Variants in TAFA4 observed in about 807,000 individuals in gnomAD.
TAFA4 encodes the protein TAFA chemokine like family member 4.
A neutral mutation model predicts 21.1 loss-of-function variants in TAFA4; 20 were observed. The observed-to-expected ratio is 0.95, with a 90% CI of 0.67 to 1.38. TAFA4 has a LOEUF of 1.38. TAFA4 is among the 40% of genes most tolerant of loss of function. TAFA4 has a pLI of 0.00. For missense variants in TAFA4, 211 were observed against 180.9 expected, an observed-to-expected ratio of 1.17 and a Z score of -0.95; for synonymous variants, 71 against 67.4, an observed-to-expected ratio of 1.05 and a Z score of -0.26.
chr3:68,895,624 C>T (rs1231589335), intron 1 of TAFA4, among the ~76,000 whole-genome samples: 1 of 150,266 alleles, frequency 6.7e-6, no homozygotes, highest in African/African-American at 2.4e-5. Flanking sequence ...GGAACTTAGA[C>T]AGAAGAGCTA....
Position 68,826,821 on chromosome 3 carries a change from T to C in TAFA4, c.130+53909A>G, listed in dbSNP as rs994249990. The stretch of plus-strand genomic sequence containing the variant: ...CCTTCTACTCCAACCTCTTTCTTAC[T>C]CAGGAATATTATAACAATCAGATAT... On this transcript the variant is annotated intron_variant, in intron 3 of 5. Transcript: ENST00000295569. Among the ~76,000 whole-genome samples the C allele has an allele frequency of 8.5e-5, 13 of 152,262 alleles. 1 individual carries two copies. Among genetic ancestry groups the C allele is most frequent in the Admixed American group, 2.6e-4 (4 of 15,298 alleles).
At chr3:68,894,110 C>T (rs2089759822) in intron 1 of TAFA4, among the ~76,000 whole-genome samples, 1 of 151,110 alleles carries the variant, frequency 6.6e-6, no homozygotes, top group African/African-American at 2.4e-5. Context: ...ATAATAAATG[C>T]AGGCTTAATG....
intron 1 of TAFA4, among the ~76,000 whole-genome samples, chr3:68,890,872 G>A (rs753037385): frequency 6.6e-6 from 1 of 152,194 alleles, no homozygotes; most frequent in Non-Finnish European, 1.5e-5. Flanking sequence ...GACTGAATTT[G>A]TCAGCAGATG....
intron 4 of TAFA4, among the ~76,000 whole-genome samples, chr3:68,751,020 C>A (rs765289076): frequency 6.6e-6 from 1 of 152,102 alleles, no homozygotes; most frequent in Admixed American, 6.5e-5. Context: ...CAGGGTGTTG[C>A]AAGAACTTAC....
chr3:68,770,427 A>G (rs1299418386), intron 3 of TAFA4, among the ~76,000 whole-genome samples: 2 of 152,246 alleles, frequency 1.3e-5, no homozygotes, highest in Non-Finnish European at 2.9e-5. Flanking sequence ...GTGAGGAATG[A>G]GACTGAGGAG....
chr3:68,802,033 A>G (rs1703589612), intron 3 of TAFA4, among the ~76,000 whole-genome samples: 1 of 152,208 alleles, frequency 6.6e-6, no homozygotes, highest in Non-Finnish European at 1.5e-5. Flanking sequence ...AAGTAAATGC[A>G]GCAAAGCAAT....
intron 1 of TAFA4, among the ~76,000 whole-genome samples, chr3:68,930,319 T>G (rs572836498): frequency 1.9e-4 from 29 of 152,336 alleles, no homozygotes; most frequent in African/African-American, 6.7e-4. Context: ...GGTTTTTGTA[T>G]GTGCTAAGGG....
At chr3:68,870,945 T>C (rs181970216) in intron 3 of TAFA4, among the ~76,000 whole-genome samples, 3 of 152,310 alleles carry the variant, frequency 2.0e-5, no homozygotes, top group Non-Finnish European at 1.5e-5. Flanking sequence ...TAGTATTCCA[T>C]GGTGTATACA....
chr3:68,755,197 A>G (rs1336392593), intron 3 of TAFA4, among the ~76,000 whole-genome samples: 1 of 152,224 alleles, frequency 6.6e-6, no homozygotes, highest in East Asian at 1.9e-4. Flanking sequence ...CCTGAATTCC[A>G]TCATCCTGTG....
intron 3 of TAFA4, among the ~76,000 whole-genome samples, chr3:68,828,532 T>C (rs1473432251): frequency 1.3e-5 from 2 of 152,188 alleles, no homozygotes; most frequent in African/African-American, 4.8e-5. Flanking sequence ...TTCCATTTGT[T>C]TGGGTCCTCT....
intron 3 of TAFA4, among the ~76,000 whole-genome samples, chr3:68,797,898 A>G (rs1269260001): frequency 6.6e-6 from 1 of 152,206 alleles, no homozygotes. Flanking sequence ...ATGTGAGTAT[A>G]CATAATGCCA....
chr3:68,824,210 C>T (rs1704176383), intron 3 of TAFA4, among the ~76,000 whole-genome samples: 1 of 152,146 alleles, frequency 6.6e-6, no homozygotes, highest in African/African-American at 2.4e-5. Context: ...AACAAGTTAC[C>T]ACAAATTTAG....
At chr3:68,757,067 T>C (rs1702672853) in intron 3 of TAFA4, among the ~76,000 whole-genome samples, 1 of 152,178 alleles carries the variant, frequency 6.6e-6, no homozygotes, top group African/African-American at 2.4e-5. Context: ...CCATTGGTCA[T>C]TGTCTCAGTC....
At chr3:68,901,315 T>C (rs1210928244) in intron 1 of TAFA4, among the ~76,000 whole-genome samples, 2 of 150,804 alleles carry the variant, frequency 1.3e-5, no homozygotes, top group African/African-American at 4.9e-5. Context: ...GCTATTTCAC[T>C]TAAAAAAAAA....
At chr3:68,739,289 G>A in intron 4 of TAFA4, 90 bp from the exon 5 acceptor site, 1 of 1,429,494 alleles carries the variant, frequency 7.0e-7, no homozygotes, top group African/African-American at 1.4e-5. Context: ...AGTACACTGA[G>A]TTCAAAGATT....
intron 4 of TAFA4, among the ~76,000 whole-genome samples, chr3:68,747,245 T>TTC (rs138372647): frequency 0.25 from 38,213 of 151,114 alleles, 5,891 homozygotes; most frequent in Non-Finnish European, 0.35. Context: ...CTTGTGAGTT[T>TTC]TCTCTCTCTC....
intron 3 of TAFA4, among the ~76,000 whole-genome samples, chr3:68,754,218 C>T (rs1702616073): frequency 6.6e-6 from 1 of 152,206 alleles, no homozygotes; most frequent in South Asian, 2.1e-4. Flanking sequence ...TACAATGCTA[C>T]TACGTAATGT....
chr3:68,919,957 T>C (rs1410624606), intron 1 of TAFA4, among the ~76,000 whole-genome samples: 1 of 152,128 alleles, frequency 6.6e-6, no homozygotes, highest in Non-Finnish European at 1.5e-5. Context: ...CCTAGAAAAA[T>C]GCAAACACAT....
intron 1 of TAFA4, among the ~76,000 whole-genome samples, chr3:68,908,127 T>C (rs2090840755): frequency 6.6e-6 from 1 of 152,314 alleles, no homozygotes; most frequent in African/African-American, 2.4e-5. Context: ...TATTTTAAAA[T>C]GTAGGCTGGA....
Sources: allele counts gnomAD v4.1 joint callset (sites outside exome capture counted in the v4.1 genomes callset), GRCh38; gene constraint gnomAD v4.1.1; transcripts MANE v1.5; gene names NCBI Gene and HGNC (gene_info 2026-07-23, HGNC 2026-07-21).